SRRM4: variants seen among roughly 807,000 people sequenced by gnomAD.
The protein encoded by SRRM4 is serine/arginine repetitive matrix protein 4.
A neutral mutation model predicts 68.9 loss-of-function variants in SRRM4; 33 were observed. The ratio of observed to expected loss-of-function variants is 0.48; its 90% CI spans 0.36 to 0.64. SRRM4 has a LOEUF of 0.64. Ranked by LOEUF, SRRM4 falls within the 30% of genes least tolerant of loss-of-function variation. The probability of loss-of-function intolerance (pLI) is 0.00; values close to 1 mark genes in which losing one functional copy is unlikely to be tolerated. For missense variants in SRRM4, 817 were observed against 827.1 expected (o/e 0.99, Z 0.15); for synonymous variants, 318 against 318.8 (o/e 1.00, Z 0.03).
intron 1 of SRRM4, among the ~76,000 whole-genome samples, chr12:119,095,939 G>A (rs1424011624): frequency 3.7e-5 from 5 of 135,456 alleles, no homozygotes; most frequent in Non-Finnish European, 6.2e-5. Context: ...CAGCCTGGGC[G>A]ATAGATTGAG....
intron 2 of SRRM4, among the ~76,000 whole-genome samples, chr12:119,110,784 G>A (rs558163858): frequency 9.2e-5 from 14 of 152,290 alleles, no homozygotes; most frequent in African/African-American, 2.4e-4. Context: ...CAGGTGAGGC[G>A]ATGCCCCGCC....
chr12:119,114,882 T>G (rs1278180358), intron 3 of SRRM4, among the ~76,000 whole-genome samples: 1 of 151,930 alleles, frequency 6.6e-6, no homozygotes, highest in African/African-American at 2.4e-5. Context: ...GCCAGGATGG[T>G]CTCCATCTCC....
At chr12:119,150,098 T>C (rs1954429041) in intron 9 of SRRM4, among the ~76,000 whole-genome samples, 1 of 152,220 alleles carries the variant, frequency 6.6e-6, no homozygotes, top group South Asian at 2.1e-4. Context: ...CTACTGATAT[T>C]CCTGTTTACT....
In SRRM4 at chr12:119,154,431, C is replaced by G. The variant is rs887146427; in HGVS notation, c.1532+48C>G. The G allele has an allele frequency of 1.3e-6, 2 of 1,596,600 alleles. No homozygotes were observed. The highest frequency in any genetic ancestry group is 1.7e-4 in the Middle Eastern group (1 of 6,024). ...ACCCACCTTCATCCTCGTTCCCACT[C>G]CCATTCTTACTCATTCGAGCCTCAG... On this transcript the variant is annotated intron_variant, in intron 12 of 12. Transcript: ENST00000267260. The surrounding 1 kb of genome is among the most constrained non-coding windows in gnomAD (Gnocchi z 4.7).
chr12:119,143,280 GT>G (rs1954377967), intron 8 of SRRM4, among the ~76,000 whole-genome samples: 1 of 152,200 alleles, frequency 6.6e-6, no homozygotes, highest in African/African-American at 2.4e-5. Context: ...AATTCCAGAA[GT>G]AGAAGTCCCC....
Position 119,056,346 on chromosome 12 carries a change from C to G in SRRM4, c.132-45890C>G, listed in dbSNP as rs1339016852. ...TCACCTCATCATTTTACCTGGGTGG[C>G]TGGGGAGGCAGTAAAGATGATGTTA... On this transcript the variant is annotated intron_variant, in intron 1 of 12. Coordinates refer to ENST00000267260, the MANE Select transcript of SRRM4 (RefSeq NM_194286.4). Among the ~76,000 whole-genome samples, 6 of 152,168 alleles carry G rather than the reference C, an allele frequency of 3.9e-5. 1 individual carries two copies. The highest frequency in any genetic ancestry group is 1.4e-4 in the African/African-American group (6 of 41,434).
chr12:119,044,164 G>A (rs1044054994), intron 1 of SRRM4, among the ~76,000 whole-genome samples: 67 of 152,222 alleles, frequency 4.4e-4, no homozygotes, highest in African/African-American at 1.5e-3. Context: ...ACTGCACCCT[G>A]CCTATTTCCT....
chr12:119,065,795 G>A (rs545660621), intron 1 of SRRM4, among the ~76,000 whole-genome samples: 2 of 152,164 alleles, frequency 1.3e-5, no homozygotes, highest in Admixed American at 6.5e-5. Flanking sequence ...GTGGTTGAAT[G>A]GATGCATGGA....
Position 119,156,118 on chromosome 12 carries a change from C to T in SRRM4, c.1533-377C>T, listed in dbSNP as rs117594916. ...TTCATACATTTATTTCTAAAGGAAACGATACAGTACAGTAAATGGAAAATT... is the reference window on the plus strand; with the variant it reads ...TTCATACATTTATTTCTAAAGGAAATGATACAGTACAGTAAATGGAAAATT... On this transcript the variant is annotated intron_variant, in intron 12 of 12. Transcript: ENST00000267260. Among the ~76,000 whole-genome samples the T allele has an allele frequency of 4.6e-3, 703 of 152,150 alleles. 2 individuals are homozygous for T. The highest frequency in any genetic ancestry group is 5.7e-3 in the Non-Finnish European group (387 of 68,006).
chr12:119,054,607 T>A (rs1016882378), intron 1 of SRRM4, among the ~76,000 whole-genome samples: 1 of 148,052 alleles, frequency 6.8e-6, no homozygotes. Flanking sequence ...TTAGGAGTCC[T>A]TTATATACAA....
intron 2 of SRRM4, among the ~76,000 whole-genome samples, chr12:119,105,429 CCCA>C (rs1231095782): frequency 4.6e-5 from 7 of 152,190 alleles, no homozygotes; most frequent in Non-Finnish European, 1.0e-4. Context: ...AGTTTACACT[CCCA>C]CCAACAGTGT....
At chr12:119,068,813 CAG>C (rs1327108141) in intron 1 of SRRM4, among the ~76,000 whole-genome samples, 1 of 152,070 alleles carries the variant, frequency 6.6e-6, no homozygotes, top group Non-Finnish European at 1.5e-5. Flanking sequence ...GGCTTAGAAA[CAG>C]AGAGGCGGGG....
intron 1 of SRRM4, among the ~76,000 whole-genome samples, chr12:119,086,475 G>C (rs1020436665): frequency 6.6e-6 from 1 of 152,178 alleles, no homozygotes; most frequent in African/African-American, 2.4e-5. Flanking sequence ...GTGGAACCAA[G>C]CCATAGCCAT....
At chr12:119,012,874 A>G (rs1485396544) in intron 1 of SRRM4, among the ~76,000 whole-genome samples, 1 of 152,054 alleles carries the variant, frequency 6.6e-6, no homozygotes, top group Non-Finnish European at 1.5e-5. Flanking sequence ...ATTGACTCCT[A>G]CCCAAGACAC....
chr12:119,032,844 C>T (rs913234754), intron 1 of SRRM4, among the ~76,000 whole-genome samples: 5 of 152,040 alleles, frequency 3.3e-5, no homozygotes, highest in African/African-American at 1.2e-4. Context: ...TTTTCTGTCT[C>T]TTATGTTAAT....
At chr12:119,072,449 G>C (rs1953883791) in intron 1 of SRRM4, among the ~76,000 whole-genome samples, 1 of 152,182 alleles carries the variant, frequency 6.6e-6, no homozygotes, top group South Asian at 2.1e-4. Context: ...AAAGGGAGCA[G>C]GGAGGGAAGA....
At chr12:119,136,503 G>A (rs2136060818) in intron 8 of SRRM4, among the ~76,000 whole-genome samples, 1 of 141,402 alleles carries the variant, frequency 7.1e-6, no homozygotes, top group East Asian at 1.9e-4. Flanking sequence ...TGTTTAATGG[G>A]AAGTGACATA....
At chr12:119,039,734 T>C (rs920142241) in intron 1 of SRRM4, among the ~76,000 whole-genome samples, 4 of 152,160 alleles carry the variant, frequency 2.6e-5, no homozygotes, top group African/African-American at 7.2e-5. Context: ...AGCACTGAAC[T>C]TGAGAAGGCT....
At chr12:118,990,429 C>T (rs144214900) in intron 1 of SRRM4, among the ~76,000 whole-genome samples, 259 of 152,216 alleles carry the variant, frequency 1.7e-3, no homozygotes, top group African/African-American at 4.6e-3. Flanking sequence ...CTATTTGGTT[C>T]GGCTTTGTCT....
Sources: allele counts gnomAD v4.1 joint callset (sites outside exome capture counted in the v4.1 genomes callset), GRCh38; gene constraint gnomAD v4.1.1; non-coding constraint Gnocchi (gnomAD v3.1); transcripts MANE v1.5; gene names NCBI Gene and HGNC (gene_info 2026-07-23, HGNC 2026-07-21).